Variants in TGFBI observed in about 807,000 individuals in gnomAD.
TGFBI encodes transforming growth factor beta induced.
In TGFBI, 50 loss-of-function variants were observed where a neutral mutation model predicts 73.7. The ratio of observed to expected loss-of-function variants is 0.68; its 90% CI spans 0.54 to 0.86. The LOEUF (loss-of-function observed/expected upper bound fraction) is 0.86. TGFBI is among the 40% of genes least tolerant of loss of function. The pLI, the probability that TGFBI is intolerant of heterozygous loss-of-function variation, is 0.00. For missense variants in TGFBI, 839 were observed against 877.0 expected, an observed-to-expected ratio of 0.96 and a Z score of 0.55; for synonymous variants, 362 against 360.5, an observed-to-expected ratio of 1.00 and a Z score of -0.05.
At chr5:136,056,498 C>A in intron 11 of TGFBI, 167 bp from the exon 12 acceptor site, 1 of 783,056 alleles carries the variant, frequency 1.3e-6, no homozygotes, top group South Asian at 1.8e-5. Context: ...GAATCACTCC[C>A]TCTTTGTGCA....
chr5:136,047,669 T>A lies in TGFBI; in HGVS notation c.771+249T>A, dbSNP rs1643769335. 7 of 490,526 alleles carry A rather than the reference T, an allele frequency of 1.4e-5. No homozygotes were observed. In the South Asian group the frequency reaches 1.8e-4, roughly 12 times the overall value. The allele number at this position is 490,526 out of a possible 1,614,324, so 30.4% of individuals were successfully genotyped here. On this transcript the variant is annotated intron_variant, in intron 6 of 16. Coordinates refer to ENST00000442011, the MANE Select transcript of TGFBI (RefSeq NM_000358.3). Reference sequence around the variant, plus strand: ...GCCTCCCCTGGAAAGGTCAGTGGTGTGTGGCTGCAGCAGCACAGTGTCCTC... The same window carrying A: ...GCCTCCCCTGGAAAGGTCAGTGGTGAGTGGCTGCAGCAGCACAGTGTCCTC...
chr5:136,029,319 G>A, intron 1 of TGFBI, 130 bp downstream of exon 1: 2 of 1,068,942 alleles, frequency 1.9e-6, no homozygotes, highest in Non-Finnish European at 2.5e-6. Flanking sequence ...CTTGCAGCAT[G>A]GAGCGCTCGG....
intron 2 of TGFBI, among the ~76,000 whole-genome samples, chr5:136,039,667 T>C (rs1751295012): frequency 6.6e-6 from 1 of 152,192 alleles, no homozygotes; most frequent in Non-Finnish European, 1.5e-5. Context: ...TGCCCTCACA[T>C]GCTGCATACA....
intron 16 of TGFBI, 38 bp downstream of exon 16, chr5:136,062,725 T>C: frequency 6.4e-7 from 1 of 1,557,708 alleles, no homozygotes; most frequent in East Asian, 2.4e-5. Context: ...TGCAGACCTG[T>C]TTAGGCCTTA....
chr5:136,061,447 T>G, intron 14 of TGFBI, 53 bp from the exon 15 acceptor site: 3 of 1,347,220 alleles, frequency 2.2e-6, no homozygotes, highest in Non-Finnish European at 3.1e-6. Flanking sequence ...TTGTTATGAA[T>G]GACATGCTAA....
chr5:136,042,600 G>C (rs1040501511), intron 2 of TGFBI, among the ~76,000 whole-genome samples: 1 of 152,098 alleles, frequency 6.6e-6, no homozygotes, highest in Non-Finnish European at 1.5e-5. Context: ...GGGATGAAAG[G>C]TTAGAAAGAA....
chr5:136,047,119 C>G, intron 5 of TGFBI, 104 bp downstream of exon 5: 5 of 1,520,854 alleles, frequency 3.3e-6, no homozygotes, highest in Admixed American at 1.9e-5. Flanking sequence ...GACAACCCAC[C>G]CTCTTTGTGC....
At chr5:136,044,324 C>T (rs993045657) in intron 3 of TGFBI, among the ~76,000 whole-genome samples, 6 of 152,272 alleles carry the variant, frequency 3.9e-5, no homozygotes, top group African/African-American at 2.4e-5. Flanking sequence ...TCCTGAGCTG[C>T]TCCTCCTGGC....
At chr5:136,042,631 G>C (rs548969511) in intron 2 of TGFBI, among the ~76,000 whole-genome samples, 15 of 151,780 alleles carry the variant, frequency 9.9e-5, no homozygotes, top group Non-Finnish European at 2.2e-4. Context: ...AGGAGGACTG[G>C]AGAAAAAAAC....
rs766939734 is a variant in TGFBI at position 136,033,841 on chromosome 5, G to A, written c.213G>A (p.Arg71=). Residue 71 remains arginine, a synonymous_variant, in exon 2 of 17, where the codon AGG becomes AGA. Transcript: ENST00000442011. ...YFTNCKQWYQ[R]KICGKSTVIS... ...CCAACTGCAAGCAGTGGTACCAAAG[G>A]AAAATCTGTGGCAAATCAACGTGAG... is the stretch of plus-strand genomic sequence containing the variant. The A allele has an allele frequency of 6.2e-7, 1 of 1,613,792 alleles. No homozygotes were observed. Among genetic ancestry groups the A allele is most frequent in the African/African-American group, 1.3e-5 (1 of 75,036 alleles).
In TGFBI at chr5:136,063,300, T is replaced by C. The variant is rs1751783502; in HGVS notation, c.*74T>C. ...CTCTCAGATTTCCACAGAGACTGTT[T>C]GAATGTTTTCAAAACCAAGTATCAC... On this transcript the variant is annotated 3_prime_UTR_variant, in exon 17 of 17. Coordinates refer to ENST00000442011, the MANE Select transcript of TGFBI (RefSeq NM_000358.3). 1 of 1,416,218 alleles carries C rather than the reference T, an allele frequency of 7.1e-7. No homozygotes were observed. Among genetic ancestry groups the C allele is most frequent in the South Asian group, 1.2e-5 (1 of 84,030 alleles). 87.7% of individuals were successfully genotyped at this position (1,416,218 alleles called of 1,614,324 possible). A position where few individuals can be genotyped will look rare whatever the true frequency, so the allele number is the denominator to read the frequency against.
intron 1 of TGFBI, among the ~76,000 whole-genome samples, chr5:136,031,054 A>C (rs938067249): frequency 6.6e-6 from 1 of 152,222 alleles, no homozygotes; most frequent in Non-Finnish European, 1.5e-5. Flanking sequence ...ATACCCCTGC[A>C]GGCAAAGCCT....
At chr5:136,056,887 C>A in intron 12 of TGFBI, 92 bp downstream of exon 12, 1 of 1,438,170 alleles carries the variant, frequency 7.0e-7, no homozygotes, top group Non-Finnish European at 9.4e-7. Context: ...CAAGGATTGA[C>A]TTGAAGGGAT....
At chr5:136,033,649 C>T (rs1333996568) in intron 1 of TGFBI, 114 bp from the exon 2 acceptor site, 1 of 807,334 alleles carries the variant, frequency 1.2e-6, no homozygotes, top group Non-Finnish European at 2.0e-6. Context: ...TGAAATGACT[C>T]TCTCCTCTAT....
Position 136,062,649 on chromosome 5 carries a change from G to A in TGFBI, c.1987-14G>A, listed in dbSNP as rs1472506847. 1 of 1,561,438 alleles carries A rather than the reference G, an allele frequency of 6.4e-7. No individual in the cohort carries two copies. The highest frequency in any genetic ancestry group is 1.4e-5 in the African/African-American group (1 of 73,854). ...CTTTCACTAGAAAACCTGACACCTTGTGTTTTCTTTCAGGCTTCCCAGAGG... is the reference window on the plus strand; with the variant it reads ...CTTTCACTAGAAAACCTGACACCTTATGTTTTCTTTCAGGCTTCCCAGAGG... On this transcript the variant is annotated splice_polypyrimidine_tract_variant and intron_variant, in intron 15 of 16. Coordinates refer to ENST00000442011, the MANE Select transcript of TGFBI (RefSeq NM_000358.3).
intron 7 of TGFBI, among the ~76,000 whole-genome samples, chr5:136,051,550 C>A (rs1249445365): frequency 6.6e-6 from 1 of 152,256 alleles, no homozygotes; most frequent in East Asian, 1.9e-4. Context: ...CACTAACCAG[C>A]TGGTTCAGAG....
chr5:136,034,624 A>G (rs1234121670), intron 2 of TGFBI, among the ~76,000 whole-genome samples: 1 of 151,930 alleles, frequency 6.6e-6, no homozygotes, highest in East Asian at 1.9e-4. Flanking sequence ...TGTGGTTACA[A>G]TAGGGCTTGT....
rs1241043216 is a variant in TGFBI, at chr5:136,053,927, T to C, written c.1127-16T>C. The C allele has an allele frequency of 6.2e-7, 1 of 1,611,888 alleles. No individual in the cohort carries two copies. Among genetic ancestry groups the C allele is most frequent in the East Asian group, 2.2e-5 (1 of 44,802 alleles). Reference sequence around the variant, plus strand: ...AGCGCTTTTAACTTTTGAACCCACTTTCTCCTTCCTTGTAGCCAAGACACT... The same window carrying C: ...AGCGCTTTTAACTTTTGAACCCACTCTCTCCTTCCTTGTAGCCAAGACACT... On this transcript the variant is annotated splice_polypyrimidine_tract_variant and intron_variant, in intron 8 of 16. Coordinates refer to ENST00000442011, the MANE Select transcript of TGFBI (RefSeq NM_000358.3).
At chr5:136,051,059 T>G (rs1335879837) in intron 7 of TGFBI, among the ~76,000 whole-genome samples, 1 of 152,182 alleles carries the variant, frequency 6.6e-6, no homozygotes, top group Non-Finnish European at 1.5e-5. Context: ...ACACATAGCC[T>G]TAAGGGGCCC....
Sources: allele counts gnomAD v4.1 joint callset (sites outside exome capture counted in the v4.1 genomes callset), GRCh38; gene constraint gnomAD v4.1.1; transcripts MANE v1.5; gene names NCBI Gene and HGNC (gene_info 2026-07-23, HGNC 2026-07-21).